Variants in LUC7L2 observed in about 807,000 individuals in gnomAD.
LUC7L2 encodes the protein LUC7 like 2, pre-mRNA splicing factor, also known as putative RNA-binding protein Luc7-like 2.
In LUC7L2, 25 loss-of-function variants were observed where a neutral mutation model predicts 52.8. That is an observed-to-expected ratio of 0.47 (90% CI 0.34 to 0.66). The LOEUF (loss-of-function observed/expected upper bound fraction) is 0.66, where lower values mean the gene tolerates loss of function less well. LUC7L2 is among the 30% of genes least tolerant of loss of function. The pLI is 0.01. For synonymous variants in LUC7L2, 144 were observed against 160.9 expected, an observed-to-expected ratio of 0.89 and a Z score of 0.80; for missense variants, 328 against 497.8, an observed-to-expected ratio of 0.66 and a Z score of 3.25.
intron 2 of LUC7L2, among the ~76,000 whole-genome samples, chr7:139,391,706 A>G (rs1794458182): frequency 6.6e-6 from 1 of 152,088 alleles, no homozygotes. Context: ...CTTCTGCCTC[A>G]GCCTCCTGAG....
intron 2 of LUC7L2, among the ~76,000 whole-genome samples, chr7:139,376,455 A>G (rs1800717357): frequency 1.3e-5 from 2 of 152,168 alleles, no homozygotes; most frequent in African/African-American, 4.8e-5. Flanking sequence ...AAATAAAATA[A>G]TTTATTTTTA....
chr7:139,358,570 G>A (rs1395065411), upstream of LUC7L2, among the ~76,000 whole-genome samples: 4 of 152,110 alleles, frequency 2.6e-5, no homozygotes, highest in East Asian at 7.7e-4. Context: ...TCCTTTCAAA[G>A]TATCTAGAAA....
intron 7 of LUC7L2, among the ~76,000 whole-genome samples, chr7:139,410,611 G>T (rs1795319699): frequency 6.6e-6 from 1 of 152,058 alleles, no homozygotes; most frequent in Admixed American, 6.6e-5. Context: ...GCAGCTTTAG[G>T]ATGGACAGTT....
At chr7:139,377,078 G>A (rs370355823) in intron 2 of LUC7L2, among the ~76,000 whole-genome samples, 7 of 152,018 alleles carry the variant, frequency 4.6e-5, no homozygotes, top group African/African-American at 9.7e-5. Flanking sequence ...TTATGTTAAC[G>A]GGGAAAAAAG....
chr7:139,409,233 G>A (rs1468291601), intron 6 of LUC7L2, among the ~76,000 whole-genome samples: 1 of 151,926 alleles, frequency 6.6e-6, no homozygotes, highest in Non-Finnish European at 1.5e-5. Flanking sequence ...CTGGAGCCCA[G>A]GAGTTGTAGA....
intron 1 of LUC7L2, among the ~76,000 whole-genome samples, chr7:139,364,975 C>G (rs1800080019): frequency 6.6e-6 from 1 of 152,188 alleles, no homozygotes; most frequent in South Asian, 2.1e-4. Context: ...TATACGCAGA[C>G]ATTTTTTAAA....
chr7:139,346,980 C>T (rs1027164620), intron 1 of LUC7L2, among the ~76,000 whole-genome samples: 67 of 152,224 alleles, frequency 4.4e-4, no homozygotes, highest in African/African-American at 1.6e-3. Flanking sequence ...TGTCCTAGTT[C>T]AAGCACTGAG....
intron 1 of LUC7L2, among the ~76,000 whole-genome samples, chr7:139,349,889 A>T (rs1799396683): frequency 6.6e-6 from 1 of 152,202 alleles, no homozygotes; most frequent in South Asian, 2.1e-4. Context: ...AAATGAATAC[A>T]CCTGTGTCAT....
chr7:139,359,553 A>C, upstream of LUC7L2: 4 of 315,344 alleles, frequency 1.3e-5, no homozygotes, highest in Non-Finnish European at 1.2e-5. Flanking sequence ...GACGATGGGC[A>C]TGGTCTCTAC....
chr7:139,376,226 A>C (rs1469205872), intron 2 of LUC7L2, 70 bp downstream of exon 2: 1 of 1,499,198 alleles, frequency 6.7e-7, no homozygotes, highest in Non-Finnish European at 9.2e-7. Flanking sequence ...ATAAAGTCTT[A>C]ATTCTGTGTC....
intron 1 of LUC7L2, among the ~76,000 whole-genome samples, chr7:139,348,634 G>A (rs895489023): frequency 3.9e-5 from 6 of 152,028 alleles, no homozygotes; most frequent in Non-Finnish European, 7.4e-5. Context: ...CAGGAGAATC[G>A]CTTGAACCCG....
At chr7:139,375,390 G>A (rs527632455) in intron 1 of LUC7L2, 25 of 985,314 alleles carry the variant, frequency 2.5e-5, no homozygotes, top group African/African-American at 1.7e-4. Context: ...ACCTTTGGAC[G>A]CATTAAAGTT....
At chr7:139,410,380 G>C (rs1479228169) in intron 7 of LUC7L2, among the ~76,000 whole-genome samples, 1 of 151,790 alleles carries the variant, frequency 6.6e-6, no homozygotes, top group Non-Finnish European at 1.5e-5. Flanking sequence ...ATTGAACTTT[G>C]GTTAGTTCCT....
intron 1 of LUC7L2, among the ~76,000 whole-genome samples, chr7:139,349,167 C>G (rs189716485): frequency 6.6e-6 from 1 of 152,132 alleles, no homozygotes; most frequent in Non-Finnish European, 1.5e-5. Context: ...AACAAACCAA[C>G]AAGCAAACAA....
At chr7:139,396,305 G>A (rs1794661524) in intron 2 of LUC7L2, among the ~76,000 whole-genome samples, 1 of 152,120 alleles carries the variant, frequency 6.6e-6, no homozygotes, top group Non-Finnish European at 1.5e-5. Context: ...ATATGGTGGC[G>A]GGGGACGGTG....
chr7:139,342,285 A>G (rs1256330336), intron 1 of LUC7L2, among the ~76,000 whole-genome samples: 1 of 152,176 alleles, frequency 6.6e-6, no homozygotes, highest in Admixed American at 6.5e-5. Context: ...GGGCTGGGGT[A>G]TAAAGAAGGG....
chr7:139,401,516 G>A (rs550537578), intron 3 of LUC7L2, among the ~76,000 whole-genome samples: 12 of 152,130 alleles, frequency 7.9e-5, no homozygotes, highest in African/African-American at 1.9e-4. Flanking sequence ...GCAGTGGTGC[G>A]ATCTTGGCTC....
chr7:139,411,872 T>A (rs1196800007), intron 7 of LUC7L2, among the ~76,000 whole-genome samples: 1 of 152,030 alleles, frequency 6.6e-6, no homozygotes, highest in East Asian at 1.9e-4. Context: ...AAAAAAGAAA[T>A]GACAGATATA....
chr7:139,360,334 C>T lies in LUC7L2; in HGVS notation c.61+12C>T. ...CACCTCCCGGGACGGTAAGTCTCTGCCAGGGCCCTGGGGGTGGGGGAGGGG... is the reference window on the plus strand; with the variant it reads ...CACCTCCCGGGACGGTAAGTCTCTGTCAGGGCCCTGGGGGTGGGGGAGGGG... On this transcript the variant is annotated intron_variant, in intron 1 of 9. Coordinates refer to ENST00000354926, the MANE Select transcript of LUC7L2 (RefSeq NM_016019.5). 1 of 1,559,182 alleles carries T rather than the reference C, an allele frequency of 6.4e-7. No homozygotes were observed.
Sources: gnomAD v4.1 joint callset for allele counts (sites outside exome capture counted in the v4.1 genomes callset) on GRCh38, gnomAD v4.1.1 for gene constraint, MANE v1.5 for transcripts, NCBI Gene and HGNC (gene_info 2026-07-23, HGNC 2026-07-21) for gene names.